Variants in PPP1R12B observed in about 807,000 individuals in gnomAD.
PPP1R12B encodes protein phosphatase 1 regulatory subunit 12B.
In PPP1R12B, 76 loss-of-function variants were observed where a neutral mutation model predicts 126.1. The ratio of observed to expected loss-of-function variants is 0.60; its 90% CI spans 0.50 to 0.73. The LOEUF (loss-of-function observed/expected upper bound fraction) is 0.73. Ranked by LOEUF, PPP1R12B falls within the 30% of genes least tolerant of loss-of-function variation. The pLI is 0.00. For missense variants in PPP1R12B, 1,052 were observed against 1,205.1 expected (o/e 0.87, Z 1.88); for synonymous variants, 356 against 434.7 (o/e 0.82, Z 2.25).
At chr1:202,438,348 A>G in intron 10 of PPP1R12B, 1 of 1,027,772 alleles carries the variant, frequency 9.7e-7, no homozygotes, top group East Asian at 3.1e-5. Flanking sequence ...ACAGGACCCC[A>G]GGTAGGGGTC....
intron 18 of PPP1R12B, among the ~76,000 whole-genome samples, chr1:202,501,340 C>CT (rs1168925651): frequency 1.3e-5 from 2 of 152,294 alleles, no homozygotes; most frequent in Middle Eastern, 3.4e-3. Flanking sequence ...ATATTTCTAT[C>CT]TTTTTTTACC....
chr1:202,465,890 A>G (rs1430283599), intron 13 of PPP1R12B, among the ~76,000 whole-genome samples: 1 of 152,238 alleles, frequency 6.6e-6, no homozygotes, highest in Non-Finnish European at 1.5e-5. Context: ...TAAATAAAAT[A>G]TAGTAATAGC....
chr1:202,556,155 C>T (rs543108845), intron 18 of PPP1R12B, among the ~76,000 whole-genome samples: 68 of 152,248 alleles, frequency 4.5e-4, no homozygotes, highest in African/African-American at 1.6e-3. Flanking sequence ...GTATTACAGG[C>T]GTGAACCACT....
At chr1:202,449,237 T>C in intron 13 of PPP1R12B, 66 bp downstream of exon 13, 1 of 1,497,824 alleles carries the variant, frequency 6.7e-7, no homozygotes, top group Non-Finnish European at 8.9e-7. Context: ...GGAATGGGCA[T>C]AAAGTGTTTT....
rs1255218374 is a variant in PPP1R12B, at chr1:202,565,815, GA to G, written c.2757+1273del. On this transcript the variant is annotated intron_variant, in intron 21 of 23. Transcript: ENST00000608999. The surrounding 1 kb of genome is among the most constrained non-coding windows in gnomAD (Gnocchi z 4.3). ...AAAGTAGGTTTCTAAATCTAAAAGAGAAAAATACACACATAGCTATAGCCCT... is the reference window on the plus strand; with the variant it reads ...AAAGTAGGTTTCTAAATCTAAAAGAGAAAATACACACATAGCTATAGCCCT... Among the ~76,000 whole-genome samples, 1 of 150,994 alleles carries G rather than the reference GA, an allele frequency of 6.6e-6. No homozygotes were observed. Among genetic ancestry groups the G allele is most frequent in the Non-Finnish European group, 1.5e-5 (1 of 67,892 alleles).
intron 3 of PPP1R12B, 36 bp from the exon 4 acceptor site, chr1:202,425,530 T>C (rs754444356): frequency 6.9e-6 from 11 of 1,603,096 alleles, no homozygotes; most frequent in Admixed American, 5.0e-5. Context: ...AGTGGAGCTT[T>C]AGTAATCCTG....
At position 202,401,274 on chromosome 1, in the gene PPP1R12B, T is replaced by G. The variant is rs1665789642; in HGVS notation, c.292-15513T>G. ...GCACAGTCATACCTCACTGCAGTTT[T>G]GACCTCCTGGGTTTAAGCAAGTTAT... On this transcript the variant is annotated intron_variant, in intron 1 of 23. Transcript: ENST00000608999. Among the ~76,000 whole-genome samples, 6 of 151,944 alleles carry G rather than the reference T, an allele frequency of 3.9e-5. No homozygotes were observed. In the South Asian group the frequency reaches 1.3e-3, roughly 32 times the overall value.
chr1:202,438,908 G>A (rs557586608), intron 10 of PPP1R12B: 21 of 1,504,144 alleles, frequency 1.4e-5, no homozygotes, highest in Admixed American at 5.2e-5. Context: ...ACCGCACGCG[G>A]CCCTGTGCCT....
intron 21 of PPP1R12B, 84 bp from the exon 22 acceptor site, chr1:202,567,694 T>C (rs1446915376): frequency 7.0e-7 from 1 of 1,420,840 alleles, no homozygotes; most frequent in Non-Finnish European, 9.9e-7. Flanking sequence ...TCTAGATGTC[T>C]AGTAGTGAAG....
intron 18 of PPP1R12B, among the ~76,000 whole-genome samples, chr1:202,549,154 C>G (rs562908696): frequency 6.6e-6 from 1 of 152,128 alleles, no homozygotes; most frequent in Non-Finnish European, 1.5e-5. Flanking sequence ...CTTCATCTTT[C>G]AAGGCAGACT....
chr1:202,505,086 T>G (rs547156874), intron 18 of PPP1R12B, among the ~76,000 whole-genome samples: 1 of 152,282 alleles, frequency 6.6e-6, no homozygotes, highest in Non-Finnish European at 1.5e-5. Flanking sequence ...CTTCTATAAC[T>G]CCAACATGTG....
chr1:202,489,883 G>A (rs1159183578), intron 14 of PPP1R12B, among the ~76,000 whole-genome samples: 1 of 152,174 alleles, frequency 6.6e-6, no homozygotes, highest in East Asian at 1.9e-4. Context: ...AATCCCTGAG[G>A]GAGTCATTGA....
intron 18 of PPP1R12B, among the ~76,000 whole-genome samples, chr1:202,555,596 A>G (rs940004199): frequency 1.3e-5 from 2 of 152,032 alleles, no homozygotes; most frequent in Non-Finnish European, 2.9e-5. Flanking sequence ...TCCTAGTTCA[A>G]TAGGAGGAGG....
intron 13 of PPP1R12B, among the ~76,000 whole-genome samples, chr1:202,456,466 A>G (rs1673651720): frequency 6.6e-6 from 1 of 152,188 alleles, no homozygotes. Context: ...AAGCCAGAGT[A>G]GTTTGAGTGA....
intron 18 of PPP1R12B, among the ~76,000 whole-genome samples, chr1:202,520,216 G>C (rs1682625647): frequency 6.6e-6 from 1 of 152,192 alleles, no homozygotes; most frequent in Admixed American, 6.5e-5. Context: ...TTTTACAGAT[G>C]GAAAACCTGG....
intron 1 of PPP1R12B, among the ~76,000 whole-genome samples, chr1:202,352,952 C>A (rs1241681747): frequency 6.6e-6 from 1 of 152,026 alleles, no homozygotes; most frequent in Non-Finnish European, 1.5e-5. Flanking sequence ...TTTGGACCCT[C>A]AAGGTCACAC....
rs1020134734 is a variant in PPP1R12B, at chr1:202,548,856, T to G, written c.2491-10021T>G. Among the ~76,000 whole-genome samples, 4 of 147,962 alleles carry G rather than the reference T, an allele frequency of 2.7e-5. No individual in the cohort carries two copies. The East Asian group carries it at 7.9e-4, about 29-fold the overall frequency. Reference sequence around the variant, plus strand: ...TATATAATTTTAGTATTTATAAGTATCTATGATAAAACTCAGGACCTGTTA... The same window carrying G: ...TATATAATTTTAGTATTTATAAGTAGCTATGATAAAACTCAGGACCTGTTA... On this transcript the variant is annotated intron_variant, in intron 18 of 23. Transcript: ENST00000608999.
At chr1:202,438,450 C>A (rs1424180075) in intron 10 of PPP1R12B, 2 of 435,776 alleles carry the variant, frequency 4.6e-6, no homozygotes, top group Non-Finnish European at 8.6e-6. Flanking sequence ...CTGCCAGGGT[C>A]CCACCGCTTG....
intron 1 of PPP1R12B, among the ~76,000 whole-genome samples, chr1:202,378,996 C>G (rs564601500): frequency 2.0e-5 from 3 of 152,234 alleles, no homozygotes; most frequent in African/African-American, 7.2e-5. Flanking sequence ...TATATTCTTT[C>G]GTCTTTGTAA....
Sources: gnomAD v4.1 joint callset for allele counts (sites outside exome capture counted in the v4.1 genomes callset) on GRCh38, gnomAD v4.1.1 for gene constraint, Gnocchi (gnomAD v3.1) non-coding constraint, MANE v1.5 for transcripts, NCBI Gene and HGNC (gene_info 2026-07-23, HGNC 2026-07-21) for gene names.